Variants in NBEA observed in about 807,000 individuals in gnomAD.
NBEA encodes the protein lysosomal-trafficking regulator 2.
NBEA carries 44 observed loss-of-function variants against 343.4 expected under a neutral mutation model. The observed-to-expected ratio is 0.13, with a 90% CI of 0.10 to 0.16. NBEA has a LOEUF of 0.16. Among genes scored for constraint, NBEA ranks in the 10% least tolerant of loss-of-function variants. NBEA has a pLI of 1.00. For missense variants in NBEA, 2,555 were observed against 3,631.3 expected (o/e 0.70, Z 7.62); for synonymous variants, 1,175 against 1,238.7 (o/e 0.95, Z 1.08).
intron 36 of NBEA, among the ~76,000 whole-genome samples, chr13:35,325,009 T>A (rs1427140815): frequency 6.6e-6 from 1 of 152,158 alleles, no homozygotes; most frequent in African/African-American, 2.4e-5. Context: ...AAAATCTGTC[T>A]TTGAAGTTTA....
At chr13:35,015,621 T>G (rs1397807786) in intron 1 of NBEA, among the ~76,000 whole-genome samples, 1 of 152,074 alleles carries the variant, frequency 6.6e-6, no homozygotes, top group African/African-American at 2.4e-5. Flanking sequence ...ATTCAAGTCA[T>G]ATAGTCATTA....
At chr13:34,998,902 A>G (rs2061028894) in intron 1 of NBEA, among the ~76,000 whole-genome samples, 1 of 152,192 alleles carries the variant, frequency 6.6e-6, no homozygotes, top group Non-Finnish European at 1.5e-5. Flanking sequence ...TGGGGAAGTG[A>G]TAAGTGTCCA....
At chr13:35,646,155 T>G (rs3818424) in intron 50 of NBEA, 104 bp from the exon 51 acceptor site, 136 of 934,592 alleles carry the variant, frequency 1.5e-4, no homozygotes, top group Non-Finnish European at 2.1e-4. Flanking sequence ...TTTTCTGGAC[T>G]TTTTTTCATG....
intron 41 of NBEA, chr13:35,476,196 T>G (rs1342707251): frequency 6.2e-7 from 1 of 1,611,024 alleles, no homozygotes; most frequent in East Asian, 2.2e-5. Context: ...TGGGATCCAA[T>G]GCGGCTGCTA....
chr13:35,662,473 C>A (rs1159274060), intron 55 of NBEA, among the ~76,000 whole-genome samples: 1 of 152,170 alleles, frequency 6.6e-6, no homozygotes, highest in Non-Finnish European at 1.5e-5. Context: ...TGTGTGACAT[C>A]TGTCCCTAGC....
intron 16 of NBEA, among the ~76,000 whole-genome samples, chr13:35,120,441 A>G (rs2066732946): frequency 6.6e-6 from 1 of 152,180 alleles, no homozygotes; most frequent in Non-Finnish European, 1.5e-5. Context: ...GCTGGTTCAG[A>G]ATAGTATAAA....
At chr13:35,560,559 G>A (rs186223571) in intron 44 of NBEA, among the ~76,000 whole-genome samples, 71 of 152,252 alleles carry the variant, frequency 4.7e-4, no homozygotes, top group African/African-American at 1.5e-3. Flanking sequence ...AAGCCCTTGG[G>A]ATCAACATCT....
At chr13:35,443,482 A>G (rs1404009503) in intron 39 of NBEA, among the ~76,000 whole-genome samples, 1 of 152,046 alleles carries the variant, frequency 6.6e-6, no homozygotes, top group Non-Finnish European at 1.5e-5. Context: ...ATTAAATTGA[A>G]GTGGGAATCA....
Position 35,161,747 on chromosome 13 carries a change from T to C in NBEA, c.3862-3T>C, listed in dbSNP as rs762070037. 1.2e-6 allele frequency: 2 copies of C among 1,606,196 alleles called. No homozygotes were observed. The highest frequency in any genetic ancestry group is 2.7e-5 in the African/African-American group (2 of 74,886). ...CACAAAAGTTCATCTTTTCCTTCTTTAGGCTGTGCAGGGTCGGTCTATCAC... is the reference window on the plus strand; with the variant it reads ...CACAAAAGTTCATCTTTTCCTTCTTCAGGCTGTGCAGGGTCGGTCTATCAC... On this transcript the variant is annotated splice_polypyrimidine_tract_variant and splice_region_variant and intron_variant, in intron 22 of 58. Coordinates refer to ENST00000379939, the MANE Select transcript of NBEA (RefSeq NM_001385012.1).
chr13:35,540,560 C>T (rs1431233908), intron 41 of NBEA, among the ~76,000 whole-genome samples: 2 of 152,240 alleles, frequency 1.3e-5, no homozygotes, highest in East Asian at 3.9e-4. Flanking sequence ...GTGCCAGTAT[C>T]ATTTTTAATT....
intron 40 of NBEA, among the ~76,000 whole-genome samples, chr13:35,461,271 T>G (rs954529453): frequency 2.6e-5 from 4 of 152,240 alleles, no homozygotes; most frequent in African/African-American, 9.6e-5. Flanking sequence ...TTTGTTATGG[T>G]CAGGTGTTTC....
intron 35 of NBEA, among the ~76,000 whole-genome samples, chr13:35,303,720 GTCTC>G (rs1309979949): frequency 6.6e-6 from 1 of 151,900 alleles, no homozygotes; most frequent in Admixed American, 6.6e-5. Flanking sequence ...TAATCTTTCT[GTCTC>G]TCCTTCACCC....
intron 35 of NBEA, 68 bp downstream of exon 35, chr13:35,290,518 T>C: frequency 3.9e-6 from 4 of 1,033,708 alleles, no homozygotes; most frequent in Non-Finnish European, 6.0e-6. Flanking sequence ...ATAAAAAGTA[T>C]GTGCATATAT....
intron 18 of NBEA, among the ~76,000 whole-genome samples, chr13:35,151,998 G>T (rs565792048): frequency 6.6e-6 from 1 of 152,154 alleles, no homozygotes; most frequent in African/African-American, 2.4e-5. Context: ...TAATACACTT[G>T]TAAATCTCAG....
At chr13:34,960,144 A>G (rs1416932974) in intron 1 of NBEA, among the ~76,000 whole-genome samples, 1 of 152,080 alleles carries the variant, frequency 6.6e-6, no homozygotes, top group Non-Finnish European at 1.5e-5. Flanking sequence ...GGTGGAAGAC[A>G]GTGTTCTTGA....
rs560462902 is a variant in NBEA, at chr13:35,015,465, A to G, written c.295-25468A>G. 5.4e-4 allele frequency among the ~76,000 whole-genome samples: 82 copies of G among 152,242 alleles called. No homozygotes were observed. In the South Asian group the frequency reaches 8.9e-3, roughly 17 times the overall value. On this transcript the variant is annotated intron_variant, in intron 1 of 58. Coordinates refer to ENST00000379939, the MANE Select transcript of NBEA (RefSeq NM_001385012.1). ...CATGGTTCTGTGTTCCATCCCAGAT[A>G]TCTTTAACAAAAGCTAACAAACAGT...
chr13:35,448,497 A>T (rs1176439552), intron 39 of NBEA, among the ~76,000 whole-genome samples: 1 of 152,228 alleles, frequency 6.6e-6, no homozygotes, highest in Non-Finnish European at 1.5e-5. Context: ...AGACTTTGAA[A>T]TATGCAGGGG....
chr13:35,604,713 A>G (rs1224157777), intron 47 of NBEA, among the ~76,000 whole-genome samples: 1 of 151,918 alleles, frequency 6.6e-6, no homozygotes, highest in Non-Finnish European at 1.5e-5. Context: ...ACCTCCCACC[A>G]TCTCATCCCT....
Position 35,041,251 on chromosome 13 carries a change from T to A in NBEA, c.526+87T>A. On this transcript the variant is annotated intron_variant, in intron 2 of 58. Transcript: ENST00000379939. ...TTTATATTCTATAGGTAATGTAGAT[T>A]TGTTGACATTACTTTGATTTAAAAT... The A allele has an allele frequency of 3.8e-6, 4 of 1,043,066 alleles. No individual in the cohort carries two copies. The South Asian group carries it at 6.9e-5, about 18-fold the overall frequency. 64.6% of individuals were successfully genotyped at this position (1,043,066 alleles called of 1,614,324 possible).
Sources: gnomAD v4.1 joint callset for allele counts (sites outside exome capture counted in the v4.1 genomes callset) on GRCh38, gnomAD v4.1.1 for gene constraint, MANE v1.5 for transcripts, NCBI Gene and HGNC (gene_info 2026-07-23, HGNC 2026-07-21) for gene names.